Variants in ARHGAP18 observed in about 807,000 individuals in gnomAD.
ARHGAP18 encodes the protein Rho GTPase activating protein 18.
ARHGAP18 carries 67 observed loss-of-function variants against 86.2 expected under a neutral mutation model. The ratio of observed to expected loss-of-function variants is 0.78; its 90% confidence interval spans 0.64 to 0.95. The LOEUF (loss-of-function observed/expected upper bound fraction) is 0.95. Among genes scored for constraint, ARHGAP18 ranks in the 40% least tolerant of loss-of-function variants. The pLI is 0.00. For synonymous variants in ARHGAP18, 283 were observed against 280.4 expected (o/e 1.01, Z -0.09); for missense variants, 691 against 780.4 (o/e 0.89, Z 1.37).
intron 5 of ARHGAP18, among the ~76,000 whole-genome samples, chr6:129,621,101 T>C (rs1789219845): frequency 6.6e-6 from 1 of 152,346 alleles, no homozygotes; most frequent in East Asian, 1.9e-4. Flanking sequence ...AATGGATTAA[T>C]ATTTTTTCAA....
At chr6:129,634,190 T>A (rs903855982) in intron 3 of ARHGAP18, 85 bp from the exon 4 acceptor site, 45 of 1,185,286 alleles carry the variant, frequency 3.8e-5, no homozygotes, top group Non-Finnish European at 5.6e-5. Context: ...TATTAATCTT[T>A]AGAGTACAAG....
At chr6:129,579,220 A>T (rs1331295989) in intron 14 of ARHGAP18, among the ~76,000 whole-genome samples, 1 of 152,138 alleles carries the variant, frequency 6.6e-6, no homozygotes, top group Non-Finnish European at 1.5e-5. Flanking sequence ...AATTCCCAAG[A>T]TCTAAAAGGA....
Position 129,625,453 on chromosome 6 carries a change from T to C in ARHGAP18, c.786+3900A>G, listed in dbSNP as rs1341310381. On this transcript the variant is annotated intron_variant, in intron 5 of 14. Coordinates refer to ENST00000368149, the MANE Select transcript of ARHGAP18 (RefSeq NM_033515.3). ...TATATATAATATATATTTTATATTA[T>C]ATATTATATATAATATATATTTTAT... is the stretch of plus-strand genomic sequence containing the variant. Among the ~76,000 whole-genome samples the C allele has an allele frequency of 6.7e-5, 4 of 59,534 alleles. 1 individual carries two copies. The highest frequency in any genetic ancestry group is 1.2e-4 in the Non-Finnish European group (4 of 34,592). 39.1% of individuals were successfully genotyped at this position (59,534 alleles called of 152,430 possible).
chr6:129,660,894 A>T (rs9402159), intron 1 of ARHGAP18, among the ~76,000 whole-genome samples: 70,349 of 151,660 alleles, frequency 0.46, 16,578 homozygotes, highest in African/African-American at 0.52. Flanking sequence ...GTGAGGGAGT[A>T]TGCATGTTTG....
chr6:129,634,166 G>C (rs373985326), intron 3 of ARHGAP18, 61 bp from the exon 4 acceptor site: 1 of 1,454,936 alleles, frequency 6.9e-7, no homozygotes, highest in African/African-American at 1.4e-5. Flanking sequence ...AAATGGTACT[G>C]TAAATAATTT....
chr6:129,661,850 G>A (rs1336494500), intron 1 of ARHGAP18: 7 of 985,062 alleles, frequency 7.1e-6, no homozygotes, highest in Non-Finnish European at 8.4e-6. Flanking sequence ...CTCACCCAGC[G>A]AACAATTTTC....
intron 7 of ARHGAP18, among the ~76,000 whole-genome samples, chr6:129,614,631 C>T (rs1298734138): frequency 6.6e-6 from 1 of 152,122 alleles, no homozygotes; most frequent in Non-Finnish European, 1.5e-5. Flanking sequence ...TGAACCTCCA[C>T]AGAAACTGAA....
chr6:129,662,613 G>A (rs1287706745), intron 1 of ARHGAP18, among the ~76,000 whole-genome samples: 1 of 152,184 alleles, frequency 6.6e-6, no homozygotes, highest in Admixed American at 6.5e-5. Flanking sequence ...CCTTCTTTCT[G>A]TTTCACTGTG....
chr6:129,638,710 T>C, intron 2 of ARHGAP18, 81 bp from the exon 3 acceptor site: 1 of 1,308,888 alleles, frequency 7.6e-7, no homozygotes, highest in Non-Finnish European at 1.1e-6. Flanking sequence ...AAATTCTTAC[T>C]AAAACTCTTC....
At chr6:129,588,156 C>A (rs997338506) in intron 12 of ARHGAP18, among the ~76,000 whole-genome samples, 2 of 139,792 alleles carry the variant, frequency 1.4e-5, no homozygotes, top group Admixed American at 1.5e-4. Context: ...CTTGCTTTTT[C>A]ACCCAGGCTG....
intron 10 of ARHGAP18, among the ~76,000 whole-genome samples, chr6:129,603,461 G>A (rs1015127244): frequency 7.9e-5 from 12 of 152,076 alleles, no homozygotes; most frequent in Non-Finnish European, 1.6e-4. Flanking sequence ...TCACTGGCCT[G>A]GTGGTATCAA....
At chr6:129,611,396 G>T in intron 8 of ARHGAP18, 137 bp downstream of exon 8, 2 of 679,444 alleles carry the variant, frequency 2.9e-6, no homozygotes, top group South Asian at 2.2e-5. Flanking sequence ...TAAACTGAAT[G>T]GTAAAAGGTT....
chr6:129,663,759 G>A (rs1773993648), intron 1 of ARHGAP18, among the ~76,000 whole-genome samples: 1 of 152,018 alleles, frequency 6.6e-6, no homozygotes, highest in Non-Finnish European at 1.5e-5. Context: ...CTAATCTTTT[G>A]GCTAAAGAAC....
chr6:129,633,924 A>G, intron 4 of ARHGAP18, 118 bp downstream of exon 4: 1 of 872,898 alleles, frequency 1.1e-6, no homozygotes, highest in Non-Finnish European at 1.7e-6. Flanking sequence ...GAGACCTTAC[A>G]TTAACATTTT....
At chr6:129,649,515 C>G (rs951513146) in intron 1 of ARHGAP18, among the ~76,000 whole-genome samples, 2 of 138,992 alleles carry the variant, frequency 1.4e-5, no homozygotes, top group Admixed American at 8.0e-5. Context: ...GATCATGCCA[C>G]TGCACTCCAG....
rs10688716 is a variant in ARHGAP18 at position 129,676,915 on chromosome 6, C to CTTTTTTTTTTTTT, written c.113+33096_113+33108dup. Among the ~76,000 whole-genome samples the CTTTTTTTTTTTTT allele has an allele frequency of 1.5e-3, 57 of 37,984 alleles. 1 individual carries two copies. The highest frequency in any genetic ancestry group is 3.9e-3 in the African/African-American group (57 of 14,508). 24.9% of individuals were successfully genotyped at this position (37,984 alleles called of 152,430 possible). The stretch of plus-strand genomic sequence containing the variant: ...AAACAGATGAAAAATTTTTTGTCCT[C>CTTTTTTTTTTTTT]TTTTTTTTTTTTTTTTTTTTTTTTT... On this transcript the variant is annotated intron_variant, in intron 1 of 14. Transcript: ENST00000368149.
chr6:129,696,967 T>C (rs1211029986), intron 1 of ARHGAP18, among the ~76,000 whole-genome samples: 1 of 152,148 alleles, frequency 6.6e-6, no homozygotes, highest in African/African-American at 2.4e-5. Context: ...CTCCATCCTC[T>C]CGAATCTAGG....
At chr6:129,582,537 A>G (rs1396859578) in intron 13 of ARHGAP18, among the ~76,000 whole-genome samples, 1 of 152,196 alleles carries the variant, frequency 6.6e-6, no homozygotes, top group Non-Finnish European at 1.5e-5. Flanking sequence ...AGTATCTACT[A>G]AGTCAAGGTA....
chr6:129,637,008 T>C (rs1773346389), intron 3 of ARHGAP18, among the ~76,000 whole-genome samples: 2 of 152,218 alleles, frequency 1.3e-5, no homozygotes, highest in South Asian at 4.1e-4. Context: ...ACCAACTGGC[T>C]TATTTGAGTA....
Sources: gnomAD v4.1 joint callset for allele counts (sites outside exome capture counted in the v4.1 genomes callset) on GRCh38, gnomAD v4.1.1 for gene constraint, MANE v1.5 for transcripts, NCBI Gene and HGNC (gene_info 2026-07-23, HGNC 2026-07-21) for gene names.